Variants in TMEFF1 observed in about 807,000 individuals in gnomAD.
The protein encoded by TMEFF1 is transmembrane protein with EGF like and two follistatin like domains 1.
TMEFF1 carries 20 observed loss-of-function variants against 47.5 expected under a neutral mutation model. That is an observed-to-expected ratio of 0.42 (90% CI 0.30 to 0.61). TMEFF1 has a LOEUF of 0.61. Ranked by LOEUF, TMEFF1 falls within the 20% of genes least tolerant of loss-of-function variation. The pLI is 0.19. For missense variants in TMEFF1, 411 were observed against 471.1 expected, an observed-to-expected ratio of 0.87 and a Z score of 1.18; for synonymous variants, 162 against 166.3, an observed-to-expected ratio of 0.97 and a Z score of 0.20.
intron 5 of TMEFF1, among the ~76,000 whole-genome samples, chr9:100,530,235 AC>A (rs1838350412): frequency 6.6e-6 from 1 of 152,128 alleles, no homozygotes; most frequent in African/African-American, 2.4e-5. Flanking sequence ...GCAAGAAATA[AC>A]TAAAATCAGA....
At chr9:100,527,927 C>A (rs576182111) in intron 5 of TMEFF1, among the ~76,000 whole-genome samples, 5 of 152,324 alleles carry the variant, frequency 3.3e-5, no homozygotes, top group South Asian at 4.1e-4. Flanking sequence ...AAGTGGCTCC[C>A]TGACACCTGA....
At chr9:100,506,853 CAA>C (rs1343773849) in intron 2 of TMEFF1, among the ~76,000 whole-genome samples, 2 of 150,698 alleles carry the variant, frequency 1.3e-5, no homozygotes, top group African/African-American at 2.4e-5. Context: ...TCTTGTCACA[CAA>C]TATATTTTTT....
chr9:100,507,741 T>G (rs919725882), intron 2 of TMEFF1, among the ~76,000 whole-genome samples: 13 of 152,194 alleles, frequency 8.5e-5, no homozygotes, highest in African/African-American at 2.9e-4. Context: ...AAAAGGTAAT[T>G]CTTAATGACT....
At chr9:100,513,183 A>G (rs899687594) in intron 3 of TMEFF1, 124 bp from the exon 4 acceptor site, 6 of 1,330,400 alleles carry the variant, frequency 4.5e-6, no homozygotes, top group Admixed American at 2.4e-5. Flanking sequence ...GATATCAAAA[A>G]TATGAGAAAA....
At chr9:100,494,489 C>G (rs1285982482) in intron 1 of TMEFF1, among the ~76,000 whole-genome samples, 2 of 152,040 alleles carry the variant, frequency 1.3e-5, no homozygotes, top group Non-Finnish European at 2.9e-5. Flanking sequence ...AAGAGGAAAT[C>G]CACAGGCGGT....
chr9:100,564,474 A>C (rs1480646113), intron 8 of TMEFF1, among the ~76,000 whole-genome samples: 2 of 152,250 alleles, frequency 1.3e-5, no homozygotes, highest in South Asian at 4.1e-4. Flanking sequence ...AGATCCAGGG[A>C]TCTTGCCTTT....
At chr9:100,504,896 C>T (rs2118342873) in intron 2 of TMEFF1, among the ~76,000 whole-genome samples, 1 of 152,280 alleles carries the variant, frequency 6.6e-6, no homozygotes, top group East Asian at 1.9e-4. Flanking sequence ...TTTTAATATT[C>T]AGTTTCTTTA....
intron 5 of TMEFF1, among the ~76,000 whole-genome samples, chr9:100,519,748 C>T (rs1366242661): frequency 7.0e-6 from 1 of 143,416 alleles, no homozygotes. Flanking sequence ...AAGTCTTGGT[C>T]ACTCTGAGTA....
chr9:100,499,344 A>G (rs1354239563), intron 2 of TMEFF1, among the ~76,000 whole-genome samples: 1 of 152,186 alleles, frequency 6.6e-6, no homozygotes, highest in Admixed American at 6.5e-5. Context: ...TGGAACCTCA[A>G]ACTAAGAGTG....
rs12554749 is a variant in TMEFF1, at chr9:100,476,846, G to A, written c.196+3106G>A. 7.6e-3 allele frequency among the ~76,000 whole-genome samples: 1,149 copies of A among 151,578 alleles called. 25 individuals carry two copies. Among genetic ancestry groups the A allele is most frequent in the Non-Finnish European group, 0.011 (743 of 67,926 alleles). On this transcript the variant is annotated intron_variant, in intron 1 of 9. Transcript: ENST00000374879. The stretch of plus-strand genomic sequence containing the variant: ...CCAGTAGCTGGGACTACAGGCACCC[G>A]CCACCATGCCCGGCTAATTTTTTGT...
At chr9:100,544,661 C>A (rs1838698892) in intron 5 of TMEFF1, among the ~76,000 whole-genome samples, 1 of 152,248 alleles carries the variant, frequency 6.6e-6, no homozygotes, top group Non-Finnish European at 1.5e-5. Flanking sequence ...TCACCAGTCA[C>A]CCAAAGTCTT....
chr9:100,509,721 C>T (rs1232309069), intron 3 of TMEFF1, among the ~76,000 whole-genome samples: 2 of 151,222 alleles, frequency 1.3e-5, no homozygotes, highest in Non-Finnish European at 2.9e-5. Context: ...TTGCAGTGAG[C>T]CAAGATCGCA....
intron 8 of TMEFF1, among the ~76,000 whole-genome samples, chr9:100,568,074 A>C (rs1299461412): frequency 6.6e-6 from 1 of 152,164 alleles, no homozygotes; most frequent in Non-Finnish European, 1.5e-5. Flanking sequence ...CCCACGACAC[A>C]TGGGAGTTGT....
chr9:100,540,344 C>T (rs551569592), intron 5 of TMEFF1, among the ~76,000 whole-genome samples: 4 of 152,226 alleles, frequency 2.6e-5, no homozygotes, highest in African/African-American at 9.6e-5. Flanking sequence ...TCTCCAAGTC[C>T]CCACCCGACC....
At chr9:100,564,726 G>T (rs1053391015) in intron 8 of TMEFF1, among the ~76,000 whole-genome samples, 4 of 152,160 alleles carry the variant, frequency 2.6e-5, no homozygotes, top group Non-Finnish European at 5.9e-5. Context: ...AAGTAGCAAT[G>T]ATGAGATCAA....
chr9:100,491,256 A>G (rs971967405), intron 1 of TMEFF1, among the ~76,000 whole-genome samples: 1 of 152,218 alleles, frequency 6.6e-6, no homozygotes, highest in Admixed American at 6.5e-5. Flanking sequence ...TTCAAGAACA[A>G]ACTGGCCTTG....
At chr9:100,566,286 A>C (rs1352136694) in intron 8 of TMEFF1, among the ~76,000 whole-genome samples, 2 of 152,112 alleles carry the variant, frequency 1.3e-5, no homozygotes, top group Non-Finnish European at 2.9e-5. Flanking sequence ...CCTAATTTAC[A>C]TAAATCCCAG....
intron 7 of TMEFF1, among the ~76,000 whole-genome samples, chr9:100,561,084 TA>T (rs1839004960): frequency 6.6e-6 from 1 of 152,244 alleles, no homozygotes; most frequent in Non-Finnish European, 1.5e-5. Flanking sequence ...TTAGAGCATT[TA>T]TTTCTTTAGC....
At chr9:100,564,311 G>A (rs1407290109) in intron 8 of TMEFF1, among the ~76,000 whole-genome samples, 2 of 152,194 alleles carry the variant, frequency 1.3e-5, no homozygotes, top group African/African-American at 4.8e-5. Flanking sequence ...CTGACCTCAG[G>A]TGATCCACCT....
Sources: allele counts gnomAD v4.1 joint callset (sites outside exome capture counted in the v4.1 genomes callset), GRCh38; gene constraint gnomAD v4.1.1; transcripts MANE v1.5; gene names NCBI Gene and HGNC (gene_info 2026-07-23, HGNC 2026-07-21).